The following RLBP1 variants were observed in gnomAD, a reference collection of about 807,000 sequenced individuals.
RLBP1 encodes the protein retinaldehyde binding protein 1, also known as retinaldehyde-binding protein 1.
RLBP1 carries 26 observed loss-of-function variants against 36.2 expected under a neutral mutation model. The observed-to-expected ratio is 0.72, with a 90% CI of 0.53 to 1.00. The LOEUF is 1.00. RLBP1 is among the 50% of genes least tolerant of loss of function. The pLI is 0.00. For missense variants in RLBP1, 410 were observed against 402.4 expected (o/e 1.02, Z -0.16); for synonymous variants, 155 against 156.2 (o/e 0.99, Z 0.06).
Position 89,211,591 on chromosome 15 carries a change from G to T in RLBP1, c.684+152C>A. On this transcript the variant is annotated intron_variant, in intron 7 of 8. Transcript: ENST00000268125. The surrounding 1 kb of genome is among the most constrained non-coding windows in gnomAD (Gnocchi z 5.8). ...TTGGCAAACTGTCAATCACTATGCA[G>T]GTGCTTATGGTTGGGACTGTGGCTG... is the stretch of plus-strand genomic sequence containing the variant. The T allele has an allele frequency of 4.3e-6, 3 of 700,886 alleles. No individual in the cohort carries two copies. Among genetic ancestry groups the T allele is most frequent in the Non-Finnish European group, 2.4e-6 (1 of 414,878 alleles). 43.4% of individuals were successfully genotyped at this position (700,886 alleles called of 1,614,324 possible).
chr15:89,213,041 G>T (rs2051551496), intron 6 of RLBP1, among the ~76,000 whole-genome samples: 1 of 151,970 alleles, frequency 6.6e-6, no homozygotes, highest in African/African-American at 2.4e-5. Context: ...CCAATTTTTT[G>T]TATTTTCTAA....
Position 89,211,780 on chromosome 15 carries a change from C to G in RLBP1, c.647G>C (p.Arg216Pro), listed in dbSNP as rs200488706. Residue 216 changes from arginine (R) to proline (P), a missense_variant, in exon 7 of 9, where the codon CGG becomes CCG. Physicochemically the swap from Arg to Pro is moderately radical, Grantham distance 103. Transcript: ENST00000268125. The surrounding 1 kb of genome is among the most constrained non-coding windows in gnomAD (Gnocchi z 5.8). The part of the protein sequence containing the change: ...GFTMQQAASL[R>P]TSDLRKMVDM... Reference sequence around the variant, plus strand: ...CACCATCTTCCTGAGATCTGAAGTCCGGAGACTAGCAGCCTGCTGCATGGT... The same window carrying G: ...CACCATCTTCCTGAGATCTGAAGTCGGGAGACTAGCAGCCTGCTGCATGGT... 6.2e-7 allele frequency: 1 copy of G among 1,614,030 alleles called. No individual in the cohort carries two copies. The highest frequency in any genetic ancestry group is 8.5e-7 in the Non-Finnish European group (1 of 1,179,960).
At chr15:89,219,495 G>C (rs1240213087) in intron 2 of RLBP1, 62 of 182,446 alleles carry the variant, frequency 3.4e-4, no homozygotes, top group Admixed American at 3.3e-3. Flanking sequence ...CAGCCTAGTG[G>C]ATGGCCCTTT....
rs554944860 is a variant in RLBP1, at chr15:89,210,813, C to T, written c.685-4G>A. 31 of 1,568,688 alleles carry T rather than the reference C, an allele frequency of 2.0e-5. No homozygotes were observed. The highest frequency in any genetic ancestry group is 9.3e-5 in the East Asian group (4 of 43,004). On this transcript the variant is annotated splice_region_variant and splice_polypyrimidine_tract_variant and intron_variant, in intron 7 of 8. Coordinates refer to ENST00000268125, the MANE Select transcript of RLBP1 (RefSeq NM_000326.5). The surrounding 1 kb of genome is among the most constrained non-coding windows in gnomAD (Gnocchi z 4.7). ...TGAACCGGGCTGGGAAGGAATCCTG[C>T]GGTGACAGAGAGATACCCCGTTCCC...
intron 6 of RLBP1, among the ~76,000 whole-genome samples, chr15:89,213,652 A>G (rs2051556098): frequency 6.6e-6 from 1 of 152,232 alleles, no homozygotes; most frequent in Non-Finnish European, 1.5e-5. Flanking sequence ...GAAGTGCAGT[A>G]GCACAGTCAT....
intron 5 of RLBP1, among the ~76,000 whole-genome samples, chr15:89,216,120 G>T (rs8023705): frequency 6.6e-6 from 1 of 152,064 alleles, no homozygotes; most frequent in South Asian, 2.1e-4. Flanking sequence ...GTTCCACCAG[G>T]GCAGGGAACT....
chr15:89,220,053 A>T (rs1402665099), intron 1 of RLBP1, among the ~76,000 whole-genome samples, 194 bp from the exon 2 acceptor site: 1 of 152,102 alleles, frequency 6.6e-6, no homozygotes, highest in Non-Finnish European at 1.5e-5. Flanking sequence ...ACCCTTCACC[A>T]TCCTGCTCCT....
At position 89,211,239 on chromosome 15, in the gene RLBP1, A is replaced by T. The variant is rs1391077519; in HGVS notation, c.685-430T>A. On this transcript the variant is annotated intron_variant, in intron 7 of 8. Coordinates refer to ENST00000268125, the MANE Select transcript of RLBP1 (RefSeq NM_000326.5). The surrounding 1 kb of genome is among the most constrained non-coding windows in gnomAD (Gnocchi z 5.8). ...CTCCACCTCCCACCCCTCCTTTCCC[A>T]ATACACAGAGCAGATCTAAGATGGC... Among the ~76,000 whole-genome samples the T allele has an allele frequency of 6.6e-6, 1 of 151,714 alleles. No individual in the cohort carries two copies. Among genetic ancestry groups the T allele is most frequent in the Non-Finnish European group, 1.5e-5 (1 of 67,946 alleles).
intron 2 of RLBP1, 39 bp from the exon 3 acceptor site, chr15:89,219,114 A>G: frequency 1.0e-6 from 1 of 982,496 alleles, no homozygotes; most frequent in Non-Finnish European, 1.6e-6. Context: ...ATTGTCTCAG[A>G]ACTGTGGATC....
intron 2 of RLBP1, 112 bp from the exon 3 acceptor site, chr15:89,219,187 C>G: frequency 1.6e-6 from 1 of 639,020 alleles, no homozygotes; most frequent in South Asian, 1.8e-5. Flanking sequence ...TGCCTGGGTC[C>G]CAACCTCCAT....
At position 89,214,180 on chromosome 15, in the gene RLBP1, G is replaced by T. The variant is rs535180734; in HGVS notation, c.525+880C>A. 2.0e-5 allele frequency among the ~76,000 whole-genome samples: 3 copies of T among 152,304 alleles called. No homozygotes were observed. Among genetic ancestry groups the T allele is most frequent in the African/African-American group, 7.2e-5 (3 of 41,564 alleles). On this transcript the variant is annotated intron_variant, in intron 6 of 8. Transcript: ENST00000268125. This position sits in a 1 kb window ranked among gnomAD's most constrained non-coding sequence, Gnocchi z 4.6. ...ATAGCATTATCTAAAATTAGTTTGG[G>T]CCAGGTGCGGTGTCTTATGCCTGTA...
intron 5 of RLBP1, 23 bp downstream of exon 5, chr15:89,217,097 G>A: frequency 1.2e-6 from 2 of 1,611,694 alleles, no homozygotes; most frequent in South Asian, 2.2e-5. Flanking sequence ...TCCCAGGGCC[G>A]TCCCTCCAAG....
Position 89,217,164 on chromosome 15 carries a change from C to T in RLBP1, c.302G>A (p.Arg101His). 6.2e-7 allele frequency: 1 copy of T among 1,614,086 alleles called. No individual in the cohort carries two copies. The highest frequency in any genetic ancestry group is 8.5e-7 in the Non-Finnish European group (1 of 1,180,038). ...KDSGFFLRFI[R>H]ARKFNVGRAY... is the part of the protein sequence containing the mutation. Reference sequence around the variant, plus strand: ...ACGGCCCACGTTGAACTTCCGTGCGCGGATGAAGCGCAGGAAGAAGCCGCT... The same window carrying T: ...ACGGCCCACGTTGAACTTCCGTGCGTGGATGAAGCGCAGGAAGAAGCCGCT... Residue 101 changes from arginine (R) to histidine (H), a missense_variant, in exon 5 of 9, where the codon CGC becomes CAC. Arg to His is a conservative substitution (Grantham distance 29, BLOSUM62 0). Coordinates refer to ENST00000268125, the MANE Select transcript of RLBP1 (RefSeq NM_000326.5).
intron 6 of RLBP1, among the ~76,000 whole-genome samples, chr15:89,212,222 A>G (rs866457138): frequency 1.3e-5 from 2 of 152,250 alleles, no homozygotes; most frequent in African/African-American, 2.4e-5. Flanking sequence ...AAAACAATAC[A>G]GAAGACTAAT....
rs2051522300 is a variant in RLBP1 at position 89,209,922 on chromosome 15, T to C, written c.*363A>G. Reference sequence around the variant, plus strand: ...ATTTTGGGGGCGAATAGGGGGATATTTTAACCCGGGCTCCTTGCCTGTTTT... The same window carrying C: ...ATTTTGGGGGCGAATAGGGGGATATCTTAACCCGGGCTCCTTGCCTGTTTT... On this transcript the variant is annotated 3_prime_UTR_variant, in exon 9 of 9. Transcript: ENST00000268125. The C allele has an allele frequency of 3.1e-5, 10 of 322,090 alleles. No homozygotes were observed. In the South Asian group the frequency reaches 3.2e-4, roughly 10 times the overall value. 20.0% of individuals were successfully genotyped at this position (322,090 alleles called of 1,614,324 possible).
intron 4 of RLBP1, among the ~76,000 whole-genome samples, chr15:89,217,989 C>G (rs1163635206): frequency 6.6e-6 from 1 of 152,114 alleles, no homozygotes; most frequent in Non-Finnish European, 1.5e-5. Flanking sequence ...AGCACCTTTC[C>G]CTTGAGATGC....
At chr15:89,219,266 G>A (rs2051608037) in intron 2 of RLBP1, among the ~76,000 whole-genome samples, 191 bp from the exon 3 acceptor site, 1 of 152,204 alleles carries the variant, frequency 6.6e-6, no homozygotes, top group South Asian at 2.1e-4. Context: ...TGGTGGCTCT[G>A]AGGGAGATGG....
Position 89,210,184 on chromosome 15 carries a change from G to T in RLBP1, c.*101C>A, listed in dbSNP as rs749668863. The stretch of plus-strand genomic sequence containing the variant: ...CTCGGGCTTAGGGAGTCTAAGGGGG[G>T]ACCACAGTCATCTCAAGCAGCCCTT... On this transcript the variant is annotated 3_prime_UTR_variant, in exon 9 of 9. Coordinates refer to ENST00000268125, the MANE Select transcript of RLBP1 (RefSeq NM_000326.5). The surrounding 1 kb of genome is among the most constrained non-coding windows in gnomAD (Gnocchi z 4.7). The T allele has an allele frequency of 1.0e-5, 14 of 1,397,020 alleles. No individual in the cohort carries two copies. The African/African-American group carries it at 1.3e-4, about 13-fold the overall frequency. 86.5% of individuals were successfully genotyped at this position (1,397,020 alleles called of 1,614,324 possible).
intron 5 of RLBP1, among the ~76,000 whole-genome samples, chr15:89,216,835 C>G (rs960725093): frequency 6.6e-6 from 1 of 152,212 alleles, no homozygotes. Flanking sequence ...AATTCCTCCC[C>G]TCGTCACCCA....
Sources: allele counts gnomAD v4.1 joint callset (sites outside exome capture counted in the v4.1 genomes callset), GRCh38; gene constraint gnomAD v4.1.1; non-coding constraint Gnocchi (gnomAD v3.1); transcripts MANE v1.5; gene names NCBI Gene and HGNC (gene_info 2026-07-23, HGNC 2026-07-21).